BMX: variants seen among roughly 807,000 people sequenced by gnomAD.
The protein encoded by BMX is cytoplasmic tyrosine-protein kinase BMX.
A neutral mutation model predicts 59.2 loss-of-function variants in BMX; 31 were observed. The observed-to-expected ratio is 0.52, with a 90% confidence interval of 0.39 to 0.71. The LOEUF (loss-of-function observed/expected upper bound fraction) is 0.71. Among genes scored for constraint, BMX ranks in the 30% least tolerant of loss-of-function variants. The pLI is 0.00. For synonymous variants in BMX, 185 were observed against 181.0 expected (o/e 1.02, Z -0.18); for missense variants, 474 against 491.7 (o/e 0.96, Z 0.34).
intron 1 of BMX, among the ~76,000 whole-genome samples, chrX:15,502,728 A>T (rs1021323845): frequency 2.5e-4 from 28 of 112,367 alleles, no homozygotes; most frequent in Admixed American, 1.3e-3. Flanking sequence ...CAGCATCCTA[A>T]GACTTTTTGA....
chrX:15,530,876 G>A (rs757322812), intron 10 of BMX, among the ~76,000 whole-genome samples: 3 of 111,724 alleles, frequency 2.7e-5, no homozygotes, highest in Non-Finnish European at 5.6e-5. Context: ...GACTTCATTT[G>A]GCGTTTTGTC....
chrX:15,550,665 TAC>T (rs58905214), intron 18 of BMX, among the ~76,000 whole-genome samples: 6,318 of 86,595 alleles, frequency 0.073, 249 homozygotes, highest in East Asian at 0.19. Flanking sequence ...TCAAAGTCTT[TAC>T]ACACACACAC....
chrX:15,508,027 T>C (rs1923806730), intron 1 of BMX, among the ~76,000 whole-genome samples: 1 of 111,915 alleles, frequency 8.9e-6, no homozygotes, highest in African/African-American at 3.3e-5. Flanking sequence ...ACATATAGAA[T>C]GTTTAAAAAG....
intron 18 of BMX, among the ~76,000 whole-genome samples, chrX:15,550,710 AC>A (rs1926157866): frequency 1.9e-5 from 2 of 104,430 alleles, no homozygotes; most frequent in East Asian, 3.0e-4. Context: ...ACACACACAC[AC>A]AAATAGGACT....
At chrX:15,530,698 T>C (rs1055964810) in intron 10 of BMX, among the ~76,000 whole-genome samples, 1 of 112,134 alleles carries the variant, frequency 8.9e-6, no homozygotes, top group African/African-American at 3.2e-5. Flanking sequence ...GACCAGAGTA[T>C]AGCAGATGTG....
intron 5 of BMX, among the ~76,000 whole-genome samples, chrX:15,517,307 G>T (rs1924206070): frequency 8.9e-6 from 1 of 112,026 alleles, no homozygotes; most frequent in African/African-American, 3.2e-5. Flanking sequence ...CACTGTAAGG[G>T]ACTGAGGAGT....
chrX:15,542,293 C>T lies in BMX; in HGVS notation c.1611+95C>T, dbSNP rs1310833244. ...ACTGGTAGGGAAGGCAAGAAGGGCA[C>T]CATCACTTCTACTTTGCTCACTTGT... On this transcript the variant is annotated intron_variant, in intron 15 of 18. Coordinates refer to ENST00000348343, the MANE Select transcript of BMX (RefSeq NM_203281.3). 3.8e-6 allele frequency: 3 copies of T among 790,344 alleles called. No homozygotes were observed. The African/African-American group carries it at 6.2e-5, about 16-fold the overall frequency. The allele number at this position is 790,344 out of a possible 1,213,427, so 65.1% of individuals were successfully genotyped here. A position where few individuals can be genotyped will look rare whatever the true frequency, so the allele number is the denominator to read the frequency against.
At chrX:15,510,813 A>C (rs1283403140) in intron 3 of BMX, among the ~76,000 whole-genome samples, 2 of 112,610 alleles carry the variant, frequency 1.8e-5, no homozygotes, top group Non-Finnish European at 3.8e-5. Flanking sequence ...AGTTGAATAA[A>C]CTAGAGAAGG....
chrX:15,506,170 G>A (rs73635804), intron 1 of BMX, among the ~76,000 whole-genome samples: 9,920 of 110,787 alleles, frequency 0.09, 1,068 homozygotes, highest in African/African-American at 0.3. Flanking sequence ...ATATGCTGGG[G>A]TTACAGGCAT....
At chrX:15,509,167 T>C (rs749389494) in intron 2 of BMX, among the ~76,000 whole-genome samples, 162 bp from the exon 3 acceptor site, 5 of 110,398 alleles carry the variant, frequency 4.5e-5, no homozygotes, top group Non-Finnish European at 9.5e-5. Context: ...GAATAGATTA[T>C]GTTGTCATTG....
intron 14 of BMX, among the ~76,000 whole-genome samples, chrX:15,538,927 T>C (rs1170321839): frequency 1.8e-5 from 2 of 111,387 alleles, no homozygotes; most frequent in African/African-American, 3.3e-5. Context: ...ACCTAGAAGG[T>C]ACCTAGAAGG....
intron 6 of BMX, among the ~76,000 whole-genome samples, chrX:15,519,918 G>T (rs999581339): frequency 9.0e-6 from 1 of 111,649 alleles, no homozygotes; most frequent in African/African-American, 3.3e-5. Flanking sequence ...ATTAATGAGG[G>T]ATTCGCCCCT....
At chrX:15,543,970 C>A (rs1183849655) in intron 16 of BMX, among the ~76,000 whole-genome samples, 2 of 111,716 alleles carry the variant, frequency 1.8e-5, no homozygotes, top group Non-Finnish European at 3.8e-5. Flanking sequence ...ATACCTCAGT[C>A]CTGCAGGAGA....
chrX:15,539,092 G>A (rs767116919), intron 14 of BMX, among the ~76,000 whole-genome samples: 2 of 111,053 alleles, frequency 1.8e-5, no homozygotes, highest in Non-Finnish European at 3.8e-5. Context: ...TGATTGGACT[G>A]TCATAAAACT....
At chrX:15,507,234 G>C in intron 1 of BMX, 2 of 548,200 alleles carry the variant, frequency 3.6e-6, no homozygotes, top group Non-Finnish European at 4.4e-6. Context: ...TGCCTGTGTG[G>C]GTGCTTCCTG....
At chrX:15,532,143 C>G (rs1925105969) in intron 11 of BMX, among the ~76,000 whole-genome samples, 2 of 111,063 alleles carry the variant, frequency 1.8e-5, no homozygotes, top group South Asian at 7.7e-4. Flanking sequence ...ACTTAATAAA[C>G]TAATAGTACT....
Position 15,556,379 on chromosome X carries a change from G to A in BMX, c.*232G>A, listed in dbSNP as rs950358554. 44 of 294,048 alleles carry A rather than the reference G, an allele frequency of 1.5e-4. No homozygotes were observed. The highest frequency in any genetic ancestry group is 1.2e-3 in the Admixed American group (20 of 16,826). 24.2% of individuals were successfully genotyped at this position (294,048 alleles called of 1,213,427 possible). A position where few individuals can be genotyped will look rare whatever the true frequency, so the allele number is the denominator to read the frequency against. The stretch of plus-strand genomic sequence containing the variant: ...CTGATATAACACTTTCCAGCCTATA[G>A]CAGAAGCACATTTTCAGACTGCAAT... On this transcript the variant is annotated 3_prime_UTR_variant, in exon 19 of 19. Transcript: ENST00000348343.
Position 15,556,164 on chromosome X carries a change from G to A in BMX, c.*17G>A. 8.4e-7 allele frequency: 1 copy of A among 1,184,396 alleles called. No homozygotes were observed. Among genetic ancestry groups the A allele is most frequent in the Non-Finnish European group, 1.1e-6 (1 of 878,403 alleles). ...AAGCATTGAAGAAGAAATTAGGAGTGCTGATAAGAATGAATATAGATGCTG... is the reference window on the plus strand; with the variant it reads ...AAGCATTGAAGAAGAAATTAGGAGTACTGATAAGAATGAATATAGATGCTG... On this transcript the variant is annotated 3_prime_UTR_variant, in exon 19 of 19. Coordinates refer to ENST00000348343, the MANE Select transcript of BMX (RefSeq NM_203281.3).
At chrX:15,544,411 GAA>G (rs1173896105) in intron 16 of BMX, among the ~76,000 whole-genome samples, 2 of 107,246 alleles carry the variant, frequency 1.9e-5, no homozygotes, top group Admixed American at 9.9e-5. Context: ...TCAAGAGCAA[GAA>G]AAAAAAAATC....
Sources: gnomAD v4.1 joint callset for allele counts (sites outside exome capture counted in the v4.1 genomes callset) on GRCh38, gnomAD v4.1.1 for gene constraint, MANE v1.5 for transcripts, NCBI Gene and HGNC (gene_info 2026-07-23, HGNC 2026-07-21) for gene names.